Variants in GLO1 observed in about 807,000 individuals in gnomAD.
The protein encoded by GLO1 is lactoylglutathione lyase.
In GLO1, 28 loss-of-function variants were observed where a neutral mutation model predicts 26.0. The observed-to-expected ratio is 1.08, with a 90% CI of 0.80 to 1.48. The LOEUF is 1.48. Ranked by LOEUF, GLO1 falls within the 40% of genes most tolerant of loss-of-function variation. The pLI is 0.00. For missense variants in GLO1, 225 were observed against 224.8 expected (o/e 1.00, Z -0.01); for synonymous variants, 78 against 77.6 (o/e 1.00, Z -0.03).
intron 5 of GLO1, among the ~76,000 whole-genome samples, chr6:38,679,942 T>C (rs1378456600): frequency 2.0e-5 from 3 of 152,138 alleles, no homozygotes; most frequent in African/African-American, 7.2e-5. Flanking sequence ...TCAGAACAGA[T>C]ACATTTGGGA....
At chr6:38,698,459 TATATATTA>T (rs1330404889) in intron 1 of GLO1, among the ~76,000 whole-genome samples, 2 of 147,572 alleles carry the variant, frequency 1.4e-5, no homozygotes, top group African/African-American at 4.9e-5. Context: ...TAGATATATT[TATATATTA>T]ATATATATTA....
rs974038201 is a variant in GLO1, at chr6:38,681,309, G to A, written c.466+703C>T. ...GATCTCCTGACCTCGTGATCCGCCCGCCTTGGCCTCCCAAAGTGTTGGGAT... is the reference window on the plus strand; with the variant it reads ...GATCTCCTGACCTCGTGATCCGCCCACCTTGGCCTCCCAAAGTGTTGGGAT... On this transcript the variant is annotated intron_variant, in intron 5 of 5. Transcript: ENST00000373365. Among the ~76,000 whole-genome samples the A allele has an allele frequency of 8.5e-5, 13 of 152,120 alleles. 1 individual carries two copies. Among genetic ancestry groups the A allele is most frequent in the East Asian group, 5.8e-4 (3 of 5,194 alleles).
intron 5 of GLO1, among the ~76,000 whole-genome samples, chr6:38,681,620 A>G (rs1032571190): frequency 6.6e-6 from 1 of 152,250 alleles, no homozygotes; most frequent in Non-Finnish European, 1.5e-5. Flanking sequence ...ATGTGATTAT[A>G]AACTAAAGAG....
chr6:38,679,460 A>G (rs1348315155), intron 5 of GLO1, among the ~76,000 whole-genome samples: 1 of 152,158 alleles, frequency 6.6e-6, no homozygotes, highest in Admixed American at 6.6e-5. Flanking sequence ...AATTACAGGC[A>G]TGAGCCACCA....
At chr6:38,689,204 C>T (rs924475098) in intron 1 of GLO1, among the ~76,000 whole-genome samples, 1 of 152,196 alleles carries the variant, frequency 6.6e-6, no homozygotes, top group Non-Finnish European at 1.5e-5. Flanking sequence ...TTCCCCAGAG[C>T]CTCTGAGTAA....
intron 1 of GLO1, among the ~76,000 whole-genome samples, chr6:38,689,833 T>C (rs957295610): frequency 2.6e-5 from 4 of 152,022 alleles, no homozygotes; most frequent in Non-Finnish European, 5.9e-5. Context: ...TTAATATTCT[T>C]TTCTTTTTTT....
intron 1 of GLO1, among the ~76,000 whole-genome samples, chr6:38,702,479 C>T (rs1761717827): frequency 6.6e-6 from 1 of 152,152 alleles, no homozygotes. Context: ...GCTGTTGTGA[C>T]CCACAGCAAA....
In GLO1 at chr6:38,684,482, T is replaced by C. The variant is rs1353376965; in HGVS notation, c.200A>G (p.Lys67Arg). ...LIQKCDFPIMKFSLYFLAYED... is the reference protein window; with the variant it reads ...LIQKCDFPIMRFSLYFLAYED... ...ATAAGCCAAGAAGTAGAGTGAAAAC[T>C]TCATAATGGGAAAATCACATTTTTG... is the stretch of plus-strand genomic sequence containing the variant. The change falls in exon 3 of 6, where the codon AAG becomes AGG. Residue 67 changes from lysine (K) to arginine (R), a missense_variant. Transcript: ENST00000373365. 1 of 1,558,686 alleles carries C rather than the reference T, an allele frequency of 6.4e-7. No individual in the cohort carries two copies. The highest frequency in any genetic ancestry group is 1.2e-5 in the South Asian group (1 of 82,122).
chr6:38,703,123 C>G lies in GLO1; in HGVS notation c.-69G>C. 3.3e-6 allele frequency: 3 copies of G among 897,060 alleles called. No homozygotes were observed. The highest frequency in any genetic ancestry group is 5.2e-6 in the Non-Finnish European group (3 of 573,084). 55.6% of individuals were successfully genotyped at this position (897,060 alleles called of 1,614,324 possible). On this transcript the variant is annotated 5_prime_UTR_variant, in exon 1 of 6. Coordinates refer to ENST00000373365, the MANE Select transcript of GLO1 (RefSeq NM_006708.3). ...GGAGTCACCCACACTACGCCTCGGC[C>G]CTGTGCCGCCTTAACTAGGAATGGC... is the stretch of plus-strand genomic sequence containing the variant.
intron 5 of GLO1, among the ~76,000 whole-genome samples, chr6:38,678,349 A>G: frequency 6.8e-6 from 1 of 146,894 alleles, no homozygotes; most frequent in African/African-American, 2.5e-5. Context: ...AAAGAGAGAA[A>G]GAGAGAAGGA....
At chr6:38,698,395 A>C (rs1761641564) in intron 1 of GLO1, among the ~76,000 whole-genome samples, 1 of 149,766 alleles carries the variant, frequency 6.7e-6, no homozygotes. Context: ...CAATTCCACC[A>C]ATCTACCTGA....
intron 1 of GLO1, among the ~76,000 whole-genome samples, chr6:38,690,960 T>G (rs1328737257): frequency 6.6e-6 from 1 of 152,232 alleles, no homozygotes; most frequent in African/African-American, 2.4e-5. Flanking sequence ...AGTTCCTGTT[T>G]TAAAAAGTTA....
At chr6:38,689,965 C>T (rs1472783413) in intron 1 of GLO1, among the ~76,000 whole-genome samples, 2 of 152,094 alleles carry the variant, frequency 1.3e-5, no homozygotes, top group African/African-American at 4.8e-5. Context: ...GCTGGGACTA[C>T]AGGCGCCCGC....
intron 1 of GLO1, among the ~76,000 whole-genome samples, chr6:38,690,770 A>G (rs1008174955): frequency 6.6e-6 from 1 of 152,220 alleles, no homozygotes; most frequent in African/African-American, 2.4e-5. Context: ...ATTTATTGAT[A>G]AAATAGAGGC....
intron 2 of GLO1, among the ~76,000 whole-genome samples, chr6:38,686,119 A>T (rs1761457212): frequency 6.6e-6 from 1 of 152,186 alleles, no homozygotes; most frequent in Non-Finnish European, 1.5e-5. Flanking sequence ...ATCACAAGAA[A>T]CTGGACAGCA....
chr6:38,693,683 C>CTATATATATATATA (rs1287585297), intron 1 of GLO1, among the ~76,000 whole-genome samples: 8 of 82,440 alleles, frequency 9.7e-5, no homozygotes, highest in African/African-American at 3.2e-4. Context: ...CTCTCTCTCT[C>CTATATATATATATA]TCTATATATA....
intron 1 of GLO1, among the ~76,000 whole-genome samples, chr6:38,701,157 G>T (rs1356995827): frequency 6.8e-6 from 1 of 147,738 alleles, no homozygotes; most frequent in Non-Finnish European, 1.5e-5. Context: ...GCAGAACAGG[G>T]TGGAGGTTGG....
chr6:38,680,437 C>A (rs1562480882), intron 5 of GLO1, among the ~76,000 whole-genome samples: 1 of 152,216 alleles, frequency 6.6e-6, no homozygotes, highest in Non-Finnish European at 1.5e-5. Flanking sequence ...AAGAGAATCA[C>A]TTGAACCCAG....
At chr6:38,691,584 G>A (rs1411672660) in intron 1 of GLO1, among the ~76,000 whole-genome samples, 1 of 152,090 alleles carries the variant, frequency 6.6e-6, no homozygotes, top group Non-Finnish European at 1.5e-5. Flanking sequence ...TGGGATTACA[G>A]GTGTGAGCCA....
Sources: allele counts gnomAD v4.1 joint callset (sites outside exome capture counted in the v4.1 genomes callset), GRCh38; gene constraint gnomAD v4.1.1; transcripts MANE v1.5; gene names NCBI Gene and HGNC (gene_info 2026-07-23, HGNC 2026-07-21).